Variants in ASAP1 observed in about 807,000 individuals in gnomAD.
ASAP1 encodes ArfGAP with SH3 domain, ankyrin repeat and PH domain 1.
In ASAP1, 43 loss-of-function variants were observed where a neutral mutation model predicts 145.2. That is an observed-to-expected ratio of 0.30 (90% confidence interval 0.23 to 0.38). The LOEUF (loss-of-function observed/expected upper bound fraction) is 0.38, where lower values mean the gene tolerates loss of function less well. ASAP1 is among the 10% of genes least tolerant of loss of function. The pLI, the probability that ASAP1 is intolerant of heterozygous loss-of-function variation, is 1.00. For missense variants in ASAP1, 1,018 were observed against 1,355.3 expected (o/e 0.75, Z 3.91); for synonymous variants, 546 against 515.5 (o/e 1.06, Z -0.80).
chr8:130,398,096 T>C (rs1227907514), intron 2 of ASAP1, among the ~76,000 whole-genome samples: 1 of 152,256 alleles, frequency 6.6e-6, no homozygotes, highest in Non-Finnish European at 1.5e-5. Flanking sequence ...GTTTCACTCA[T>C]GTTCCACCAC....
At chr8:130,354,091 T>C (rs772161920) in intron 3 of ASAP1, among the ~76,000 whole-genome samples, 2 of 151,978 alleles carry the variant, frequency 1.3e-5, no homozygotes, top group Non-Finnish European at 2.9e-5. Context: ...GGGGTTTCAC[T>C]GTGTTAGCCA....
At chr8:130,355,901 A>G (rs1826277688) in intron 3 of ASAP1, among the ~76,000 whole-genome samples, 1 of 152,198 alleles carries the variant, frequency 6.6e-6, no homozygotes, top group Admixed American at 6.5e-5. Flanking sequence ...AGTTCAGAAT[A>G]AAAATTGTAA....
chr8:130,263,257 G>A (rs147400110), intron 3 of ASAP1, among the ~76,000 whole-genome samples: 1,832 of 152,206 alleles, frequency 0.012, 15 homozygotes, highest in Middle Eastern at 0.037. Context: ...TGACCCAAAG[G>A]CTTCCCAGCA....
chr8:130,361,092 C>T (rs1208888422), intron 2 of ASAP1: 5 of 154,876 alleles, frequency 3.2e-5, no homozygotes, highest in Non-Finnish European at 7.2e-5. Flanking sequence ...TTTGTTCTCC[C>T]ATCTATTCCA....
intron 2 of ASAP1, among the ~76,000 whole-genome samples, chr8:130,377,588 T>C (rs1192930962): frequency 1.3e-5 from 2 of 152,214 alleles, no homozygotes; most frequent in African/African-American, 4.8e-5. Flanking sequence ...AATCAGAGTA[T>C]GCAGATGGCC....
At chr8:130,062,659 C>A (rs539687427) in intron 27 of ASAP1, among the ~76,000 whole-genome samples, 111 of 152,206 alleles carry the variant, frequency 7.3e-4, no homozygotes, top group Non-Finnish European at 1.3e-3. Context: ...CTTCAAAATA[C>A]CCCACCCTCT....
intron 3 of ASAP1, among the ~76,000 whole-genome samples, chr8:130,304,420 T>C (rs1822867349): frequency 6.6e-6 from 1 of 152,202 alleles, no homozygotes; most frequent in African/African-American, 2.4e-5. Context: ...CTAAGTCTTC[T>C]ATTGTAATAC....
At chr8:130,070,468 A>G (rs530029083) in intron 27 of ASAP1, among the ~76,000 whole-genome samples, 1 of 152,186 alleles carries the variant, frequency 6.6e-6, no homozygotes, top group Non-Finnish European at 1.5e-5. Flanking sequence ...GACATGCCCA[A>G]GCCTGCAGAG....
chr8:130,284,100 G>C (rs376089112), intron 3 of ASAP1, among the ~76,000 whole-genome samples: 12 of 152,296 alleles, frequency 7.9e-5, no homozygotes, highest in African/African-American at 2.6e-4. Flanking sequence ...GGAGGACAGA[G>C]GTTCTAATGG....
intron 3 of ASAP1, among the ~76,000 whole-genome samples, chr8:130,285,196 T>G (rs1169244516): frequency 6.6e-6 from 1 of 152,054 alleles, no homozygotes; most frequent in Non-Finnish European, 1.5e-5. Flanking sequence ...AAAAAAAGTA[T>G]TAGTAAAATA....
At chr8:130,078,765 T>C (rs1009004542) in intron 26 of ASAP1, among the ~76,000 whole-genome samples, 1 of 151,200 alleles carries the variant, frequency 6.6e-6, no homozygotes, top group Admixed American at 6.6e-5. Context: ...GGAGAACAAG[T>C]AGGCTGGAGA....
At chr8:130,120,462 C>A (rs1321741275) in intron 18 of ASAP1, among the ~76,000 whole-genome samples, 1 of 152,188 alleles carries the variant, frequency 6.6e-6, no homozygotes, top group East Asian at 1.9e-4. Context: ...TCCAAGGAAG[C>A]AAGATTATGG....
At chr8:130,382,437 G>A (rs1206586865) in intron 2 of ASAP1, among the ~76,000 whole-genome samples, 1 of 152,120 alleles carries the variant, frequency 6.6e-6, no homozygotes, top group African/African-American at 2.4e-5. Context: ...AAGATGTGTT[G>A]AATAAGTAAC....
chr8:130,265,468 G>A (rs1420537197), intron 3 of ASAP1, among the ~76,000 whole-genome samples: 6 of 151,850 alleles, frequency 4.0e-5, no homozygotes, highest in South Asian at 4.1e-4. Flanking sequence ...AGTGACTCAT[G>A]AGGCTGAAGC....
At chr8:130,269,244 C>T (rs560805885) in intron 3 of ASAP1, among the ~76,000 whole-genome samples, 3 of 152,260 alleles carry the variant, frequency 2.0e-5, no homozygotes, top group African/African-American at 7.2e-5. Context: ...TCTGGTTTAG[C>T]TGTGGATAAA....
At chr8:130,175,096 T>C (rs1813860760) in intron 9 of ASAP1, among the ~76,000 whole-genome samples, 1 of 152,186 alleles carries the variant, frequency 6.6e-6, no homozygotes, top group Non-Finnish European at 1.5e-5. Flanking sequence ...TCACCAAGAC[T>C]TTTTTTGTTT....
At chr8:130,305,936 TC>T (rs1822966516) in intron 3 of ASAP1, among the ~76,000 whole-genome samples, 1 of 152,162 alleles carries the variant, frequency 6.6e-6, no homozygotes, top group South Asian at 2.1e-4. Flanking sequence ...ATCTCCTTAC[TC>T]CTATTCATCA....
intron 26 of ASAP1, 138 bp from the exon 27 acceptor site, chr8:130,076,544 T>C (rs969246336): frequency 3.1e-6 from 2 of 651,302 alleles, no homozygotes; most frequent in Admixed American, 6.1e-5. Context: ...TTTTTTGAGA[T>C]GGAGTCTCCC....
rs181317456 is a variant in ASAP1, at chr8:130,219,055, G to A, written c.260-4354C>T. On this transcript the variant is annotated intron_variant, in intron 4 of 29. Transcript: ENST00000518721. ...AAAATAGAATGATAGAAAATTAAATGTAAGGTGCTTAAAATAGTGTCTGGC... is the reference window on the plus strand; with the variant it reads ...AAAATAGAATGATAGAAAATTAAATATAAGGTGCTTAAAATAGTGTCTGGC... Among the ~76,000 whole-genome samples the A allele has an allele frequency of 9.1e-4, 139 of 152,184 alleles. 1 individual carries two copies. Among genetic ancestry groups the A allele is most frequent in the East Asian group, 6.2e-3 (32 of 5,178 alleles).
Sources: gnomAD v4.1 joint callset for allele counts (sites outside exome capture counted in the v4.1 genomes callset) on GRCh38, gnomAD v4.1.1 for gene constraint, MANE v1.5 for transcripts, NCBI Gene and HGNC (gene_info 2026-07-23, HGNC 2026-07-21) for gene names.